The following DTNB variants were observed in gnomAD, a reference collection of about 807,000 sequenced individuals.
DTNB encodes the protein DTN-B.
In DTNB, 63 loss-of-function variants were observed where a neutral mutation model predicts 90.7. The ratio of observed to expected loss-of-function variants is 0.69; its 90% CI spans 0.57 to 0.86. DTNB has a LOEUF of 0.86. Among genes scored for constraint, DTNB ranks in the 40% least tolerant of loss-of-function variants. DTNB has a pLI of 0.00. For missense variants in DTNB, 744 were observed against 807.1 expected (o/e 0.92, Z 0.95); for synonymous variants, 277 against 286.7 (o/e 0.97, Z 0.34).
At chr2:25,582,556 C>G (rs1221962383) in intron 6 of DTNB, among the ~76,000 whole-genome samples, 1 of 152,130 alleles carries the variant, frequency 6.6e-6, no homozygotes, top group African/African-American at 2.4e-5. Context: ...CTCCAGAAAG[C>G]CTGCAGGCCG....
intron 16 of DTNB, among the ~76,000 whole-genome samples, chr2:25,410,319 G>A (rs2046277575): frequency 6.6e-6 from 1 of 152,130 alleles, no homozygotes; most frequent in African/African-American, 2.4e-5. Flanking sequence ...GCCTGACATT[G>A]ATGAGTGATG....
chr2:25,459,368 G>T (rs1386167589), intron 10 of DTNB, among the ~76,000 whole-genome samples: 1 of 151,858 alleles, frequency 6.6e-6, no homozygotes, highest in Non-Finnish European at 1.5e-5. Context: ...TAAGTTCAGT[G>T]TAAGTCCATC....
At chr2:25,481,076 T>A (rs1478235471) in intron 10 of DTNB, among the ~76,000 whole-genome samples, 39 of 152,208 alleles carry the variant, frequency 2.6e-4, no homozygotes, top group African/African-American at 9.4e-4. Flanking sequence ...AAGGTAGATA[T>A]TATTTTTGTC....
intron 1 of DTNB, among the ~76,000 whole-genome samples, chr2:25,653,917 T>C (rs768245351): frequency 5.3e-5 from 8 of 152,210 alleles, no homozygotes; most frequent in Non-Finnish European, 1.0e-4. Flanking sequence ...ATGTGCCTTT[T>C]ACTCCCGCTC....
At chr2:25,666,759 C>T (rs902306905) in intron 1 of DTNB, among the ~76,000 whole-genome samples, 4 of 152,028 alleles carry the variant, frequency 2.6e-5, no homozygotes, top group Non-Finnish European at 5.9e-5. Flanking sequence ...TTGCTGGATC[C>T]GGAGTCTAGA....
Position 25,538,521 on chromosome 2 carries a change from G to A in DTNB, c.877-6924C>T, listed in dbSNP as rs192901052. 2.0e-5 allele frequency among the ~76,000 whole-genome samples: 3 copies of A among 152,110 alleles called. No homozygotes were observed. In the East Asian group the frequency reaches 5.8e-4, roughly 29 times the overall value. On this transcript the variant is annotated intron_variant, in intron 8 of 20. Transcript: ENST00000406818. The stretch of plus-strand genomic sequence containing the variant: ...GTCTGGAGTGCAATGGCGTGATCTC[G>A]GCTCACTGCATCCTCTGCCTCCTGG...
At chr2:25,629,304 G>A (rs2075171231) in intron 3 of DTNB, among the ~76,000 whole-genome samples, 1 of 152,126 alleles carries the variant, frequency 6.6e-6, no homozygotes, top group African/African-American at 2.4e-5. Context: ...ACTTTCCAAC[G>A]CTGAAAAACT....
chr2:25,399,127 C>T (rs551655259), intron 16 of DTNB, among the ~76,000 whole-genome samples: 1 of 152,196 alleles, frequency 6.6e-6, no homozygotes. Flanking sequence ...CGGCTCACTG[C>T]AACCTCTGCC....
At chr2:25,627,584 A>C (rs1421514277) in intron 4 of DTNB, among the ~76,000 whole-genome samples, 2 of 152,082 alleles carry the variant, frequency 1.3e-5, no homozygotes, top group African/African-American at 4.8e-5. Flanking sequence ...CATGAGCTGG[A>C]GGACAGCTGT....
intron 12 of DTNB, among the ~76,000 whole-genome samples, chr2:25,445,794 T>C (rs1361002253): frequency 6.6e-6 from 1 of 152,114 alleles, no homozygotes; most frequent in Non-Finnish European, 1.5e-5. Context: ...ATCTCACTCT[T>C]TGCATCTAGG....
At chr2:25,480,442 A>G (rs2064709165) in intron 10 of DTNB, among the ~76,000 whole-genome samples, 1 of 152,194 alleles carries the variant, frequency 6.6e-6, no homozygotes, top group African/African-American at 2.4e-5. Flanking sequence ...AATGACAGGT[A>G]TCATTTTGTG....
At chr2:25,649,300 T>C (rs35546737) in intron 2 of DTNB, among the ~76,000 whole-genome samples, 67,107 of 152,104 alleles carry the variant, frequency 0.44, 15,900 homozygotes, top group East Asian at 0.77. Flanking sequence ...CCACCACACC[T>C]GGCCATCCTT....
intron 8 of DTNB, among the ~76,000 whole-genome samples, chr2:25,551,732 G>T (rs546962949): frequency 1.3e-4 from 20 of 152,346 alleles, no homozygotes; most frequent in African/African-American, 4.8e-4. Flanking sequence ...GACAAGGTCA[G>T]GATGTGCTTG....
chr2:25,536,520 G>A (rs535897892), intron 8 of DTNB, among the ~76,000 whole-genome samples: 8 of 152,304 alleles, frequency 5.3e-5, no homozygotes, highest in South Asian at 4.1e-4. Context: ...CGGTCAACAC[G>A]GCGAAACCCC....
intron 9 of DTNB, among the ~76,000 whole-genome samples, chr2:25,492,088 T>C (rs1202744848): frequency 6.6e-6 from 1 of 152,090 alleles, no homozygotes; most frequent in African/African-American, 2.4e-5. Flanking sequence ...ATTTACTCTA[T>C]ATAAAAAAAG....
intron 10 of DTNB, among the ~76,000 whole-genome samples, chr2:25,470,394 G>A (rs1185496631): frequency 7.5e-6 from 1 of 132,528 alleles, no homozygotes; most frequent in Non-Finnish European, 1.6e-5. Context: ...TTTTTTTTGA[G>A]ACAGAGACTT....
intron 5 of DTNB, chr2:25,596,568 T>A (rs2064689529): frequency 5.6e-6 from 1 of 177,612 alleles, no homozygotes; most frequent in Non-Finnish European, 1.2e-5. Context: ...AAGAAGAATT[T>A]GCAGCAGCAT....
At chr2:25,609,349 AGCAC>A (rs2067897255) in intron 4 of DTNB, among the ~76,000 whole-genome samples, 1 of 152,216 alleles carries the variant, frequency 6.6e-6, no homozygotes, top group Non-Finnish European at 1.5e-5. Flanking sequence ...CTGTAATCCC[AGCAC>A]TTTGGGAGGC....
chr2:25,623,322 T>C (rs1446147165), intron 4 of DTNB, among the ~76,000 whole-genome samples: 1 of 152,236 alleles, frequency 6.6e-6, no homozygotes, highest in African/African-American at 2.4e-5. Context: ...AAATCACTTT[T>C]TCCATGTAAG....
Sources: allele counts gnomAD v4.1 joint callset (sites outside exome capture counted in the v4.1 genomes callset), GRCh38; gene constraint gnomAD v4.1.1; transcripts MANE v1.5; gene names NCBI Gene and HGNC (gene_info 2026-07-23, HGNC 2026-07-21).